HAUS8: variants seen among roughly 807,000 people sequenced by gnomAD.
HAUS8 encodes the protein HAUS augmin-like complex subunit 8.
Under a neutral mutation model 42.9 loss-of-function variants are expected in HAUS8, and 38 were observed. The observed-to-expected ratio is 0.89, with a 90% CI of 0.68 to 1.16. HAUS8 has a LOEUF of 1.16. Among genes scored for constraint, HAUS8 ranks in the 50% most tolerant of loss-of-function variants. The pLI is 0.00. For synonymous variants in HAUS8, 199 were observed against 205.8 expected (o/e 0.97, Z 0.28); for missense variants, 494 against 511.6 (o/e 0.97, Z 0.33).
chr19:17,052,784 A>T, intron 10 of HAUS8, 41 bp downstream of exon 10: 1 of 1,612,888 alleles, frequency 6.2e-7, no homozygotes, highest in South Asian at 1.1e-5. Flanking sequence ...GCCCTGAGCA[A>T]ACAGGGTGCC....
intron 4 of HAUS8, among the ~76,000 whole-genome samples, chr19:17,060,686 G>A (rs1014439499): frequency 1.3e-5 from 2 of 152,182 alleles, no homozygotes; most frequent in Non-Finnish European, 2.9e-5. Flanking sequence ...GGGATTACAG[G>A]CATGAGCCAC....
intron 4 of HAUS8, 122 bp downstream of exon 4, chr19:17,062,574 ACT>A (rs1475281246): frequency 2.2e-5 from 16 of 735,588 alleles, no homozygotes; most frequent in Admixed American, 4.1e-5. Context: ...TTATGCTCCA[ACT>A]CTCTCTGCTC....
At chr19:17,062,485 C>T (rs976332965) in intron 4 of HAUS8, among the ~76,000 whole-genome samples, 1 of 152,172 alleles carries the variant, frequency 6.6e-6, no homozygotes, top group Non-Finnish European at 1.5e-5. Flanking sequence ...TGGCTTTTCT[C>T]TGGGGCCACA....
chr19:17,067,613 A>ACGGGGG (rs1217646060), intron 3 of HAUS8, among the ~76,000 whole-genome samples: 1 of 152,174 alleles, frequency 6.6e-6, no homozygotes, highest in Non-Finnish European at 1.5e-5. Flanking sequence ...ACGCAGACAC[A>ACGGGGG]CGGGGGCGCT....
chr19:17,059,408 G>A, intron 6 of HAUS8, 149 bp downstream of exon 6: 1 of 617,052 alleles, frequency 1.6e-6, no homozygotes, highest in East Asian at 2.7e-5. Flanking sequence ...AATGATCTAA[G>A]AACATCTGTA....
chr19:17,050,232 T>C (rs1031994553), intron 10 of HAUS8, 56 bp from the exon 11 acceptor site: 5 of 1,373,064 alleles, frequency 3.6e-6, no homozygotes, highest in Non-Finnish European at 4.8e-6. Context: ...GAAGCGCATG[T>C]GTGTGGTGAA....
chr19:17,070,917 G>A (rs2057418055), intron 2 of HAUS8, among the ~76,000 whole-genome samples: 1 of 152,072 alleles, frequency 6.6e-6, no homozygotes, highest in African/African-American at 2.4e-5. Flanking sequence ...TAAAACTACA[G>A]AAATTAGCCA....
intron 3 of HAUS8, 127 bp downstream of exon 3, chr19:17,068,904 G>A (rs942079338): frequency 1.3e-6 from 1 of 789,132 alleles, no homozygotes; most frequent in African/African-American, 1.7e-5. Flanking sequence ...AAAAGCACCT[G>A]AGTGAAGATC....
intron 3 of HAUS8, among the ~76,000 whole-genome samples, chr19:17,068,508 T>C (rs2057401325): frequency 6.6e-6 from 1 of 152,192 alleles, no homozygotes; most frequent in Admixed American, 6.5e-5. Context: ...GGCTCACACT[T>C]GTAATCCCAA....
At chr19:17,052,300 C>T (rs1457466004) in intron 10 of HAUS8, 2 of 152,222 alleles carry the variant, frequency 1.3e-5, no homozygotes, top group Admixed American at 6.6e-5. Context: ...CTTTTGTTCT[C>T]TCTTCCCCCT....
chr19:17,050,145 C>T lies in HAUS8; in HGVS notation c.961G>A (p.Glu321Lys), dbSNP rs912090901. The change falls in exon 11 of 11, where the codon GAG becomes AAG. Residue 321 changes from glutamate to lysine, a missense_variant. By Grantham distance (56) the Glu-to-Lys change is moderately conservative (BLOSUM62 1). Coordinates refer to ENST00000253669, the MANE Select transcript of HAUS8 (RefSeq NM_033417.2). The stretch of plus-strand genomic sequence containing the variant: ...GCCAAGGCTGCCTCTTTGCTTGCCT[C>T]TGCGGAGAGTTCCAGCACCTGGGCA... Reference protein sequence around the residue: ...SFAQVLELSAEASKEAALANQ... With the variant: ...SFAQVLELSAKASKEAALANQ... 6.5e-7 allele frequency: 1 copy of T among 1,540,718 alleles called. No homozygotes were observed. The highest frequency in any genetic ancestry group is 8.7e-7 in the Non-Finnish European group (1 of 1,143,030).
In HAUS8 at chr19:17,069,068, G is replaced by A; in HGVS notation, c.110C>T (p.Ser37Phe). 4 of 1,613,414 alleles carry A rather than the reference G, an allele frequency of 2.5e-6. No homozygotes were observed. The highest frequency in any genetic ancestry group is 3.4e-6 in the Non-Finnish European group (4 of 1,179,682). ...CTTCTTTTCATACTGCAGATACCGG[G>A]ACTCAATCACTCTTCCACCTGTGGG... ...KRVQGGRVIE[S>F]RYLQYEKKTT... Residue 37 changes from serine (S) to phenylalanine (F), a missense_variant, in exon 3 of 11, where the codon TCC becomes TTC. Physicochemically the swap from Ser to Phe is radical, Grantham distance 155 (BLOSUM62 -2). Coordinates refer to ENST00000253669, the MANE Select transcript of HAUS8 (RefSeq NM_033417.2).
chr19:17,062,832 A>C, intron 3 of HAUS8, 53 bp from the exon 4 acceptor site: 3 of 1,356,118 alleles, frequency 2.2e-6, no homozygotes, highest in African/African-American at 1.4e-5. Context: ...CCTTCACAAC[A>C]ACGGGCCCTG....
chr19:17,055,171 T>C (rs1214377312), intron 9 of HAUS8: 1 of 49,236 alleles, frequency 2.0e-5, no homozygotes, highest in Non-Finnish European at 3.3e-5. Context: ...TATATATATA[T>C]ATATATATAT....
intron 2 of HAUS8, among the ~76,000 whole-genome samples, chr19:17,072,913 C>T (rs1452832533): frequency 2.2e-5 from 3 of 136,806 alleles, no homozygotes; most frequent in Admixed American, 8.1e-5. Context: ...GTTAGGAGTT[C>T]GAGACCAGCC....
At chr19:17,063,758 T>C (rs2057373795) in intron 3 of HAUS8, among the ~76,000 whole-genome samples, 1 of 152,198 alleles carries the variant, frequency 6.6e-6, no homozygotes, top group Non-Finnish European at 1.5e-5. Flanking sequence ...TACCTTTTGC[T>C]TCCTGCTTGC....
At chr19:17,071,934 C>T (rs2057427231) in intron 2 of HAUS8, among the ~76,000 whole-genome samples, 1 of 151,994 alleles carries the variant, frequency 6.6e-6, no homozygotes, top group Non-Finnish European at 1.5e-5. Context: ...TACAGTGAGC[C>T]GAGATCACGC....
rs2057439558 is a variant in HAUS8 at position 17,073,269 on chromosome 19, C to T, written c.91+5G>A. 1.9e-6 allele frequency: 3 copies of T among 1,612,374 alleles called. No individual in the cohort carries two copies. The highest frequency in any genetic ancestry group is 1.7e-6 in the Non-Finnish European group (2 of 1,178,402). On this transcript the variant is annotated splice_donor_5th_base_variant and intron_variant, in intron 2 of 10. Coordinates refer to ENST00000253669, the MANE Select transcript of HAUS8 (RefSeq NM_033417.2). ...GTTCCTTAAAGAGATCCTGACACTG[C>T]TTACCTTGAACTCTTTTATCCTTCT...
intron 10 of HAUS8, chr19:17,052,309 CT>C (rs2057292422): frequency 1.3e-5 from 2 of 152,468 alleles, no homozygotes; most frequent in African/African-American, 4.8e-5. Context: ...TCTCTTCCCC[CT>C]GCTCTGCTTG....
Sources: allele counts gnomAD v4.1 joint callset (sites outside exome capture counted in the v4.1 genomes callset), GRCh38; gene constraint gnomAD v4.1.1; transcripts MANE v1.5; gene names NCBI Gene and HGNC (gene_info 2026-07-23, HGNC 2026-07-21).